Variants in PATL2 observed in about 807,000 individuals in gnomAD.
PATL2 encodes protein PAT1 homolog 2.
Under a neutral mutation model 77.0 loss-of-function variants are expected in PATL2, and 73 were observed. The ratio of observed to expected loss-of-function variants is 0.95; its 90% confidence interval spans 0.78 to 1.15. The LOEUF (loss-of-function observed/expected upper bound fraction) is 1.15, where lower values mean the gene tolerates loss of function less well. PATL2 is among the 50% of genes most tolerant of loss of function. PATL2 has a pLI of 0.00. For missense variants in PATL2, 618 were observed against 655.4 expected (o/e 0.94, Z 0.62); for synonymous variants, 265 against 257.1 (o/e 1.03, Z -0.29).
intron 3 of PATL2, among the ~76,000 whole-genome samples, chr15:44,689,923 C>T (rs963097041): frequency 6.6e-6 from 1 of 152,192 alleles, no homozygotes; most frequent in African/African-American, 2.4e-5. Flanking sequence ...AGCATGGTGT[C>T]TCACACCTGT....
intron 3 of PATL2, among the ~76,000 whole-genome samples, chr15:44,703,967 T>C (rs1014393811): frequency 6.6e-6 from 1 of 151,714 alleles, no homozygotes; most frequent in African/African-American, 2.4e-5. Context: ...CTTTTTATTT[T>C]TTGTGTATCT....
intron 9 of PATL2, among the ~76,000 whole-genome samples, chr15:44,670,487 C>T (rs770686052): frequency 6.6e-6 from 1 of 152,186 alleles, no homozygotes; most frequent in Non-Finnish European, 1.5e-5. Context: ...CCATTGTGCC[C>T]AGACAAGCAC....
At chr15:44,708,255 C>T (rs901094662) in intron 3 of PATL2, among the ~76,000 whole-genome samples, 1 of 150,698 alleles carries the variant, frequency 6.6e-6, no homozygotes, top group Non-Finnish European at 1.5e-5. Flanking sequence ...GATCATTATT[C>T]AATTTGGTGT....
rs771657293 is a variant in PATL2 at position 44,672,029 on chromosome 15, C to T, written c.643G>A (p.Asp215Asn). The change falls in exon 9 of 18, where the codon GAC becomes AAC. Residue 215 changes from aspartate (D) to asparagine (N), a missense_variant. Asp to Asn is a conservative substitution (Grantham distance 23). Coordinates refer to ENST00000682850, the MANE Select transcript of PATL2 (RefSeq NM_001387263.1). Reference sequence around the variant, plus strand: ...GCGGGGCTCACCTGGTAATAGTAGTCATCCAGGCGGGGTTTTGCACTCTGC... The same window carrying T: ...GCGGGGCTCACCTGGTAATAGTAGTTATCCAGGCGGGGTTTTGCACTCTGC... ...QLQSAKPRLD[D>N]YYYQEYYQKL... The T allele has an allele frequency of 1.0e-5, 16 of 1,551,726 alleles. No homozygotes were observed. Among genetic ancestry groups the T allele is most frequent in the Non-Finnish European group, 1.4e-5 (16 of 1,147,004 alleles).
chr15:44,677,627 C>T (rs894127165), intron 3 of PATL2, among the ~76,000 whole-genome samples: 1 of 152,130 alleles, frequency 6.6e-6, no homozygotes, highest in East Asian at 1.9e-4. Flanking sequence ...CTGTGTTCAG[C>T]TGAAACCCAC....
chr15:44,666,579 G>A (rs575588521), intron 16 of PATL2, 38 bp from the exon 17 acceptor site: 3 of 1,472,748 alleles, frequency 2.0e-6, no homozygotes, highest in Admixed American at 2.7e-5. Context: ...AAATAGATTT[G>A]CTTAAGAAAC....
chr15:44,670,558 C>G (rs2085623562), intron 9 of PATL2, among the ~76,000 whole-genome samples: 1 of 152,180 alleles, frequency 6.6e-6, no homozygotes, highest in East Asian at 1.9e-4. Context: ...ACCTTAGGCC[C>G]TCCTTGCAGT....
At chr15:44,686,456 G>C (rs2086259672) in intron 3 of PATL2, among the ~76,000 whole-genome samples, 3 of 152,106 alleles carry the variant, frequency 2.0e-5, no homozygotes, top group Non-Finnish European at 4.4e-5. Context: ...AGAGGAAGTA[G>C]GAAAGATCTA....
intron 3 of PATL2, among the ~76,000 whole-genome samples, chr15:44,692,500 C>T (rs2086413985): frequency 6.6e-6 from 1 of 152,198 alleles, no homozygotes; most frequent in African/African-American, 2.4e-5. Context: ...TCTGCAGGCT[C>T]CTCCTGATGG....
intron 11 of PATL2, 29 bp from the exon 12 acceptor site, chr15:44,669,592 C>CTACA: frequency 1.3e-6 from 2 of 1,548,038 alleles, no homozygotes; most frequent in South Asian, 2.4e-5. Context: ...CAGCTATCAG[C>CTACA]TACACTGCCA....
In PATL2 at chr15:44,668,654, C is replaced by T. The variant is rs533071837; in HGVS notation, c.1225-172G>A. ...ATCCCCAACACTGACACCTTCGGTA[C>T]CTACTTGTCCTAGGAATCCTTCTCT... On this transcript the variant is annotated intron_variant, in intron 14 of 17. Coordinates refer to ENST00000682850, the MANE Select transcript of PATL2 (RefSeq NM_001387263.1). 2.0e-5 allele frequency among the ~76,000 whole-genome samples: 3 copies of T among 152,270 alleles called. No homozygotes were observed. In the South Asian group the frequency reaches 6.2e-4, roughly 32 times the overall value.
rs2085712041 is a variant in PATL2, at chr15:44,672,067, T to C, written c.605A>G (p.Gln202Arg). 2 of 1,551,618 alleles carry C rather than the reference T, an allele frequency of 1.3e-6. No homozygotes were observed. Among genetic ancestry groups the C allele is most frequent in the Non-Finnish European group, 1.7e-6 (2 of 1,147,000 alleles). ...TTTTGCACTCTGCAGCTGCACCATC[T>C]GCACTTTTATCACCCAGTCCTTCTC... ...RKEKDWVIKVQMVQLQSAKPR... is the reference protein window; with the variant it reads ...RKEKDWVIKVRMVQLQSAKPR... The change falls in exon 9 of 18, where the codon CAG (glutamine) becomes CGG (arginine). Residue 202 changes from glutamine to arginine, a missense_variant. Gln to Arg is a conservative substitution (Grantham distance 43). Transcript: ENST00000682850.
At chr15:44,705,811 G>GTTTTTTTTTGTT (rs371254036) in intron 3 of PATL2, among the ~76,000 whole-genome samples, 5 of 135,394 alleles carry the variant, frequency 3.7e-5, no homozygotes, top group African/African-American at 1.5e-4. Context: ...TCAAAACATT[G>GTTTTTTTTTGTT]TTTTTTTTTA....
intron 3 of PATL2, among the ~76,000 whole-genome samples, chr15:44,705,029 A>C (rs549614726): frequency 4.4e-4 from 67 of 152,258 alleles, no homozygotes; most frequent in Non-Finnish European, 7.4e-4. Flanking sequence ...TTTTGAGGTC[A>C]TCTTCTTTGG....
intron 3 of PATL2, chr15:44,676,930 C>T: frequency 2.0e-6 from 2 of 1,011,816 alleles, no homozygotes; most frequent in Non-Finnish European, 2.4e-6. Flanking sequence ...GACCTGTTTG[C>T]CGCTCCTGGC....
chr15:44,676,575 G>C lies in PATL2; in HGVS notation c.-75-10C>G. ...CCTCTGGAAGGTAAACCTGAGACAAGAAAGAGGCCAAGAGGCACCATCCTC... is the reference window on the plus strand; with the variant it reads ...CCTCTGGAAGGTAAACCTGAGACAACAAAGAGGCCAAGAGGCACCATCCTC... On this transcript the variant is annotated splice_polypyrimidine_tract_variant and intron_variant, in intron 3 of 17. Transcript: ENST00000682850. The C allele has an allele frequency of 1.3e-6, 2 of 1,547,012 alleles. No homozygotes were observed. Among genetic ancestry groups the C allele is most frequent in the Non-Finnish European group, 8.7e-7 (1 of 1,143,800 alleles).
chr15:44,707,203 A>G (rs547129293), intron 3 of PATL2, among the ~76,000 whole-genome samples: 64 of 152,082 alleles, frequency 4.2e-4, no homozygotes, highest in African/African-American at 1.5e-3. Context: ...TAAGAGCCAA[A>G]GCCTGGAATC....
At chr15:44,679,350 C>G (rs2086074974) in intron 3 of PATL2, among the ~76,000 whole-genome samples, 1 of 151,984 alleles carries the variant, frequency 6.6e-6, no homozygotes, top group Non-Finnish European at 1.5e-5. Flanking sequence ...CCTGCCTCAG[C>G]CTCCTGAATA....
Position 44,686,023 on chromosome 15 carries a change from T to C in PATL2, c.-75-9458A>G, listed in dbSNP as rs559334076. On this transcript the variant is annotated intron_variant, in intron 3 of 17. Coordinates refer to ENST00000682850, the MANE Select transcript of PATL2 (RefSeq NM_001387263.1). ...ACGAGACAGAAAATTAACAAGGATATTCAGGACTTGAACTCAGCTCTGGAC... is the reference window on the plus strand; with the variant it reads ...ACGAGACAGAAAATTAACAAGGATACTCAGGACTTGAACTCAGCTCTGGAC... Among the ~76,000 whole-genome samples the C allele has an allele frequency of 1.0e-3, 156 of 152,280 alleles. 1 individual carries two copies. Among genetic ancestry groups the C allele is most frequent in the African/African-American group, 3.6e-3 (149 of 41,558 alleles).
Sources: gnomAD v4.1 joint callset for allele counts (sites outside exome capture counted in the v4.1 genomes callset) on GRCh38, gnomAD v4.1.1 for gene constraint, MANE v1.5 for transcripts, NCBI Gene and HGNC (gene_info 2026-07-23, HGNC 2026-07-21) for gene names.